PIK3AP1: variants seen among roughly 807,000 people sequenced by gnomAD.
PIK3AP1 encodes the protein phosphoinositide-3-kinase adaptor protein 1.
A neutral mutation model predicts 88.1 loss-of-function variants in PIK3AP1; 21 were observed. The observed-to-expected ratio is 0.24, with a 90% CI of 0.17 to 0.34. The LOEUF is 0.34. Among genes scored for constraint, PIK3AP1 ranks in the 10% least tolerant of loss-of-function variants. The probability of loss-of-function intolerance (pLI) is 1.00; values close to 1 mark genes in which losing one functional copy is unlikely to be tolerated. For synonymous variants in PIK3AP1, 398 were observed against 400.0 expected (o/e 1.00, Z 0.06); for missense variants, 828 against 1,035.7 (o/e 0.80, Z 2.75).
rs200224557 is a variant in PIK3AP1 at position 96,651,564 on chromosome 10, T to C, written c.800A>G (p.Glu267Gly). The C allele has an allele frequency of 2.6e-5, 42 of 1,614,186 alleles. No homozygotes were observed. The highest frequency in any genetic ancestry group is 3.5e-5 in the Non-Finnish European group (41 of 1,180,016). ...ATTGGACAATAAATTCCCAATTTCT[T>C]CCATGTCAGTATAATAGCTGATAAC... ...ETVISYYTDM[E>G]EIGNLLSNAA... The change falls in exon 5 of 17, where the codon GAA becomes GGA. Residue 267 changes from glutamate (E) to glycine (G), a missense_variant. Glu to Gly is a moderately conservative substitution (Grantham distance 98). Coordinates refer to ENST00000339364, the MANE Select transcript of PIK3AP1 (RefSeq NM_152309.3).
At chr10:96,667,715 G>A (rs1843784502) in intron 2 of PIK3AP1, among the ~76,000 whole-genome samples, 1 of 152,102 alleles carries the variant, frequency 6.6e-6, no homozygotes, top group Non-Finnish European at 1.5e-5. Flanking sequence ...AAATAAAAGT[G>A]TACAGCAAAC....
In PIK3AP1 at chr10:96,703,797, T is replaced by C. The variant is rs545709619; in HGVS notation, c.430+5770A>G. 5.4e-4 allele frequency among the ~76,000 whole-genome samples: 83 copies of C among 152,336 alleles called. No individual in the cohort carries two copies. In the Middle Eastern group the frequency reaches 0.01, roughly 19 times the overall value. On this transcript the variant is annotated intron_variant, in intron 2 of 16. Transcript: ENST00000339364. The stretch of plus-strand genomic sequence containing the variant: ...AAAGGTTCTCGGGAATTTGCCATCT[T>C]CTTAGAAAACTTATAATGGTATATT...
At chr10:96,623,231 A>T (rs1425604989) in intron 11 of PIK3AP1, among the ~76,000 whole-genome samples, 5 of 152,026 alleles carry the variant, frequency 3.3e-5, no homozygotes, top group Admixed American at 6.6e-5. Flanking sequence ...CTAATTAATT[A>T]ATTTATTTAA....
At position 96,603,999 on chromosome 10, in the gene PIK3AP1, C is replaced by G; in HGVS notation, c.2221G>C (p.Gly741Arg). Residue 741 changes from glycine to arginine, a missense_variant, in exon 15 of 17, where the codon GGG becomes CGG. Physicochemically the swap from Gly to Arg is moderately radical, Grantham distance 125. Around this residue, in one of 3 missense-constraint regions of PIK3AP1, gnomAD observed 191 missense variants for 208.6 expected, o/e 0.92. Coordinates refer to ENST00000339364, the MANE Select transcript of PIK3AP1 (RefSeq NM_152309.3). ...CTCACCTCGTTGTCCCCTTCCATCCCGCTGCTCACACTGAGGAGGCTCCGG... is the reference window on the plus strand; with the variant it reads ...CTCACCTCGTTGTCCCCTTCCATCCGGCTGCTCACACTGAGGAGGCTCCGG... ...STRSLLSVSS[G>R]MEGDNEDNEV... is the part of the protein sequence containing the mutation. The G allele has an allele frequency of 6.2e-7, 1 of 1,607,794 alleles. No individual in the cohort carries two copies. Among genetic ancestry groups the G allele is most frequent in the Non-Finnish European group, 8.5e-7 (1 of 1,176,854 alleles).
chr10:96,643,786 G>A (rs1322013697), intron 8 of PIK3AP1, among the ~76,000 whole-genome samples: 1 of 152,164 alleles, frequency 6.6e-6, no homozygotes, highest in Non-Finnish European at 1.5e-5. Context: ...GGAAAGTCAG[G>A]CCCGCCTCCC....
In PIK3AP1 at chr10:96,709,868, C is replaced by T. The variant is rs1251887367; in HGVS notation, c.129G>A (p.Leu43=). The T allele has an allele frequency of 1.9e-6, 3 of 1,613,764 alleles. No individual in the cohort carries two copies. In the African/African-American group the frequency reaches 4.0e-5, roughly 22 times the overall value. ...SSRQVRSQKI[L]THRLGPEASF... is the part of the protein sequence containing the mutation. Reference sequence around the variant, plus strand: ...AGGCCTCGGGGCCCAGCCTGTGAGTCAGTATCTTCTGGCTGCGGACCTGCC... The same window carrying T: ...AGGCCTCGGGGCCCAGCCTGTGAGTTAGTATCTTCTGGCTGCGGACCTGCC... The change falls in exon 2 of 17, where the codon CTG becomes CTA. Residue 43 remains leucine, a synonymous_variant. Coordinates refer to ENST00000339364, the MANE Select transcript of PIK3AP1 (RefSeq NM_152309.3).
At chr10:96,671,877 C>T (rs956202713) in intron 2 of PIK3AP1, among the ~76,000 whole-genome samples, 10 of 151,950 alleles carry the variant, frequency 6.6e-5, no homozygotes, top group African/African-American at 2.4e-4. Flanking sequence ...TCTGTCTCTA[C>T]AAAAAATACA....
chr10:96,630,672 T>TA (rs368872141), intron 8 of PIK3AP1, among the ~76,000 whole-genome samples: 48 of 142,968 alleles, frequency 3.4e-4, no homozygotes, highest in Non-Finnish European at 3.8e-4. Flanking sequence ...CTGTCTCTAT[T>TA]AAAAAAAAAA....
intron 2 of PIK3AP1, among the ~76,000 whole-genome samples, chr10:96,693,541 T>C (rs1425221182): frequency 6.6e-6 from 1 of 152,200 alleles, no homozygotes; most frequent in Non-Finnish European, 1.5e-5. Flanking sequence ...AGCTGACAAA[T>C]GCAGGGTAGA....
chr10:96,714,958 A>G (rs1167228492), intron 1 of PIK3AP1, among the ~76,000 whole-genome samples: 1 of 152,044 alleles, frequency 6.6e-6, no homozygotes, highest in Non-Finnish European at 1.5e-5. Context: ...GTAGAGTGTA[A>G]CTCCTTATAC....
rs66487275 is a variant in PIK3AP1 at position 96,604,344 on chromosome 10, A to ATT, written c.2171-297_2171-296dup. On this transcript the variant is annotated intron_variant, in intron 14 of 16. Coordinates refer to ENST00000339364, the MANE Select transcript of PIK3AP1 (RefSeq NM_152309.3). ...AGGTGTGTGCCACCACACCTAGCCA[A>ATT]TTTTTTTTTTTTTTTTTTTTTTTTT... 3.3e-3 allele frequency among the ~76,000 whole-genome samples: 253 copies of ATT among 77,116 alleles called. 4 individuals carry two copies. The highest frequency in any genetic ancestry group is 5.7e-3 in the South Asian group (10 of 1,740). 50.6% of individuals were successfully genotyped at this position (77,116 alleles called of 152,430 possible).
chr10:96,652,401 G>A lies in PIK3AP1; in HGVS notation c.712+297C>T, dbSNP rs1049696797. ...ATCCTGGCTAACATGGTGAAACTCC[G>A]TCTCTACTAAAAATACAAAAAATTA... is the stretch of plus-strand genomic sequence containing the variant. On this transcript the variant is annotated intron_variant, in intron 4 of 16. Transcript: ENST00000339364. 6.6e-5 allele frequency among the ~76,000 whole-genome samples: 10 copies of A among 152,028 alleles called. No individual in the cohort carries two copies. The East Asian group carries it at 1.2e-3, about 18-fold the overall frequency.
chr10:96,703,569 T>A (rs990674327), intron 2 of PIK3AP1, among the ~76,000 whole-genome samples: 1 of 152,184 alleles, frequency 6.6e-6, no homozygotes, highest in Non-Finnish European at 1.5e-5. Context: ...CAGAATCTAT[T>A]TTTATATTCC....
rs117286428 is a variant in PIK3AP1 at position 96,690,472 on chromosome 10, C to T, written c.430+19095G>A. Among the ~76,000 whole-genome samples the T allele has an allele frequency of 9.2e-5, 14 of 152,234 alleles. 1 individual carries two copies. The East Asian group carries it at 2.7e-3, about 29-fold the overall frequency. ...AGTGATGGGATCTGACTATGTTTCC[C>T]TGGCTAGTCTTAGACTCCTGGGCTC... On this transcript the variant is annotated intron_variant, in intron 2 of 16. Coordinates refer to ENST00000339364, the MANE Select transcript of PIK3AP1 (RefSeq NM_152309.3).
intron 16 of PIK3AP1, among the ~76,000 whole-genome samples, chr10:96,597,660 T>C (rs1038808223): frequency 6.6e-6 from 1 of 152,186 alleles, no homozygotes; most frequent in African/African-American, 2.4e-5. Context: ...ACAGAGGTAC[T>C]GATCCCTACG....
chr10:96,604,219 T>C lies in PIK3AP1; in HGVS notation c.2171-170A>G, dbSNP rs1304584009. ...ACTTTTTGTTTTCTTAGAGACAAGG[T>C]CTTGCTGGAGTGCAGTGGCATGATC... is the stretch of plus-strand genomic sequence containing the variant. On this transcript the variant is annotated intron_variant, in intron 14 of 16. Transcript: ENST00000339364. 2.0e-5 allele frequency among the ~76,000 whole-genome samples: 3 copies of C among 152,264 alleles called. No homozygotes were observed. In the East Asian group the frequency reaches 5.8e-4, roughly 29 times the overall value.
chr10:96,614,332 C>A (rs187135726), intron 13 of PIK3AP1, among the ~76,000 whole-genome samples: 1 of 152,170 alleles, frequency 6.6e-6, no homozygotes, highest in Non-Finnish European at 1.5e-5. Context: ...AAAAGCATCT[C>A]ATCTCTTTTA....
At chr10:96,684,307 TTAAG>T (rs1240530960) in intron 2 of PIK3AP1, among the ~76,000 whole-genome samples, 2 of 152,196 alleles carry the variant, frequency 1.3e-5, no homozygotes, top group African/African-American at 4.8e-5. Flanking sequence ...GTCTTGCATA[TTAAG>T]TGTGATAATA....
At chr10:96,628,782 T>A (rs945146786) in intron 8 of PIK3AP1, among the ~76,000 whole-genome samples, 7 of 151,158 alleles carry the variant, frequency 4.6e-5, no homozygotes, top group African/African-American at 1.7e-4. Flanking sequence ...TACTACATCA[T>A]CCCATTGTTT....
Sources: gnomAD v4.1 joint callset for allele counts (sites outside exome capture counted in the v4.1 genomes callset) on GRCh38, gnomAD v4.1.1 for gene constraint, gnomAD v4.1.1 regional missense constraint, MANE v1.5 for transcripts, NCBI Gene and HGNC (gene_info 2026-07-23, HGNC 2026-07-21) for gene names.